The following SLC9A9 variants were observed in gnomAD, a reference collection of about 807,000 sequenced individuals.
The protein encoded by SLC9A9 is sodium/hydrogen exchanger 9.
In SLC9A9, 62 loss-of-function variants were observed where a neutral mutation model predicts 77.8. That is an observed-to-expected ratio of 0.80 (90% CI 0.65 to 0.98). The LOEUF (loss-of-function observed/expected upper bound fraction) is 0.98. Ranked by LOEUF, SLC9A9 falls within the 50% of genes least tolerant of loss-of-function variation. The pLI is 0.00. For missense variants in SLC9A9, 775 were observed against 774.9 expected (o/e 1.00, Z 0.00); for synonymous variants, 320 against 283.5 (o/e 1.13, Z -1.29).
At chr3:143,345,588 G>A (rs751306518) in intron 14 of SLC9A9, among the ~76,000 whole-genome samples, 1 of 152,152 alleles carries the variant, frequency 6.6e-6, no homozygotes, top group Non-Finnish European at 1.5e-5. Context: ...TGGGCTGGGC[G>A]CAGTTGAGGA....
At chr3:143,841,777 A>G (rs1320465147) in intron 1 of SLC9A9, among the ~76,000 whole-genome samples, 30 of 4,154 alleles carry the variant, frequency 7.2e-3, no homozygotes, top group Non-Finnish European at 8.2e-3. Flanking sequence ...TTCTTTTTTG[A>G]TACAGTCTTC....
intron 12 of SLC9A9, among the ~76,000 whole-genome samples, chr3:143,442,662 C>A (rs760313520): frequency 8.5e-5 from 13 of 152,326 alleles, no homozygotes; most frequent in Middle Eastern, 3.4e-3. Context: ...GCAGAGGTTG[C>A]AGTGAGCCAA....
chr3:143,301,789 A>G (rs1156549731), intron 14 of SLC9A9, among the ~76,000 whole-genome samples: 1 of 152,100 alleles, frequency 6.6e-6, no homozygotes, highest in Non-Finnish European at 1.5e-5. Context: ...GGTGTTTTTC[A>G]GTTAGTGTCT....
intron 14 of SLC9A9, among the ~76,000 whole-genome samples, chr3:143,274,945 T>C (rs1029537370): frequency 1.3e-5 from 2 of 152,240 alleles, no homozygotes; most frequent in Non-Finnish European, 2.9e-5. Flanking sequence ...ATTGTTTCCC[T>C]CTTAACTATC....
chr3:143,639,258 T>C (rs376852210), intron 6 of SLC9A9, among the ~76,000 whole-genome samples: 36 of 152,326 alleles, frequency 2.4e-4, no homozygotes, highest in Admixed American at 1.6e-3. Flanking sequence ...TTTTAGATTA[T>C]GTTATTAGAA....
intron 12 of SLC9A9, among the ~76,000 whole-genome samples, chr3:143,404,047 G>A (rs964051044): frequency 6.6e-6 from 1 of 151,992 alleles, no homozygotes; most frequent in Middle Eastern, 3.4e-3. Flanking sequence ...TTCTAATGAT[G>A]TATCATCAAG....
intron 2 of SLC9A9, among the ~76,000 whole-genome samples, chr3:143,814,656 T>A (rs2008957684): frequency 6.6e-6 from 1 of 152,184 alleles, no homozygotes; most frequent in African/African-American, 2.4e-5. Flanking sequence ...TTTTCCCCAG[T>A]CATTGACTAT....
intron 5 of SLC9A9, among the ~76,000 whole-genome samples, chr3:143,667,711 A>G (rs1236380754): frequency 6.6e-6 from 1 of 152,266 alleles, no homozygotes; most frequent in Non-Finnish European, 1.5e-5. Flanking sequence ...ACATTTATGC[A>G]GCCAAAAGAC....
intron 6 of SLC9A9, among the ~76,000 whole-genome samples, chr3:143,641,385 CTTTTTTTTTTTT>C (rs529425639): frequency 1.3e-5 from 1 of 78,820 alleles, no homozygotes; most frequent in African/African-American, 4.6e-5. Flanking sequence ...TTGTCACAGT[CTTTTTTTTTTTT>C]TTTTTTTTTT....
intron 6 of SLC9A9, among the ~76,000 whole-genome samples, chr3:143,606,213 T>G (rs2037919246): frequency 6.6e-6 from 1 of 151,968 alleles, no homozygotes; most frequent in Admixed American, 6.6e-5. Flanking sequence ...GATACCAGCC[T>G]GGCCAACATG....
chr3:143,408,393 G>A (rs1057436816), intron 12 of SLC9A9, among the ~76,000 whole-genome samples: 5 of 152,184 alleles, frequency 3.3e-5, no homozygotes, highest in African/African-American at 1.2e-4. Context: ...ATGATGATGA[G>A]CAGGACAACT....
intron 5 of SLC9A9, among the ~76,000 whole-genome samples, chr3:143,680,815 T>C (rs960936982): frequency 1.1e-4 from 17 of 152,214 alleles, no homozygotes; most frequent in Non-Finnish European, 1.6e-4. Flanking sequence ...ATCTTCTATT[T>C]TTCCCTTTAC....
intron 6 of SLC9A9, among the ~76,000 whole-genome samples, chr3:143,602,924 G>T (rs956751688): frequency 1.3e-5 from 2 of 152,228 alleles, no homozygotes; most frequent in Non-Finnish European, 2.9e-5. Context: ...GACCACATGT[G>T]AGCATAATGG....
chr3:143,563,642 T>C (rs965322934), intron 8 of SLC9A9, among the ~76,000 whole-genome samples: 1 of 152,154 alleles, frequency 6.6e-6, no homozygotes, highest in Non-Finnish European at 1.5e-5. Flanking sequence ...TCATCATAAT[T>C]TTAATTAGCA....
At chr3:143,437,583 C>T (rs115686134) in intron 12 of SLC9A9, among the ~76,000 whole-genome samples, 6 of 152,338 alleles carry the variant, frequency 3.9e-5, no homozygotes, top group South Asian at 2.1e-4. Flanking sequence ...GTTAGAGGCC[C>T]GAGGCCGCTC....
intron 6 of SLC9A9, among the ~76,000 whole-genome samples, chr3:143,645,980 T>A (rs2038700600): frequency 6.6e-6 from 1 of 152,152 alleles, no homozygotes; most frequent in African/African-American, 2.4e-5. Context: ...GCAGTATTTC[T>A]GTTTTGCAGA....
At chr3:143,731,628 G>T (rs1438525811) in intron 4 of SLC9A9, among the ~76,000 whole-genome samples, 1 of 152,168 alleles carries the variant, frequency 6.6e-6, no homozygotes, top group Non-Finnish European at 1.5e-5. Flanking sequence ...TGAATGTAGT[G>T]CCCCGTGACA....
rs139424443 is a variant in SLC9A9 at position 143,710,467 on chromosome 3, C to T, written c.534-17160G>A. 2.9e-3 allele frequency among the ~76,000 whole-genome samples: 436 copies of T among 152,330 alleles called. 5 individuals carry two copies. Among genetic ancestry groups the T allele is most frequent in the African/African-American group, 0.01 (424 of 41,574 alleles). Reference sequence around the variant, plus strand: ...AAGGGGTTTAGAGGCTTATTCACAACCCCACAACCCATGTGCTGCCATTTC... The same window carrying T: ...AAGGGGTTTAGAGGCTTATTCACAATCCCACAACCCATGTGCTGCCATTTC... On this transcript the variant is annotated intron_variant, in intron 4 of 15. Transcript: ENST00000316549.
intron 14 of SLC9A9, among the ~76,000 whole-genome samples, chr3:143,344,861 G>GA (rs5853105): frequency 0.47 from 71,818 of 151,834 alleles, 17,659 homozygotes; most frequent in African/African-American, 0.6. Flanking sequence ...GTGTTGGAGG[G>GA]AAAAAAAGTG....
Sources: allele counts gnomAD v4.1 joint callset (sites outside exome capture counted in the v4.1 genomes callset), GRCh38; gene constraint gnomAD v4.1.1; transcripts MANE v1.5; gene names NCBI Gene and HGNC (gene_info 2026-07-23, HGNC 2026-07-21).